Variants in PRKX observed in about 807,000 individuals in gnomAD.
PRKX encodes protein kinase cAMP-dependent X-linked catalytic subunit.
A neutral mutation model predicts 22.0 loss-of-function variants in PRKX; 12 were observed. The ratio of observed to expected loss-of-function variants is 0.54; its 90% CI spans 0.35 to 0.88. PRKX has a LOEUF of 0.88. Ranked by LOEUF, PRKX falls within the 40% of genes least tolerant of loss-of-function variation. The probability of loss-of-function intolerance (pLI) is 0.01; values close to 1 mark genes in which losing one functional copy is unlikely to be tolerated. For synonymous variants in PRKX, 134 were observed against 137.7 expected (o/e 0.97, Z 0.19); for missense variants, 217 against 308.0 (o/e 0.70, Z 2.21).
intron 1 of PRKX, among the ~76,000 whole-genome samples, chrX:3,700,527 A>C (rs1278096388): frequency 1.8e-5 from 2 of 110,390 alleles, no homozygotes; most frequent in Admixed American, 1.9e-4. Flanking sequence ...TTTTTTTTCT[A>C]TGTTTTTCTT....
intron 6 of PRKX, among the ~76,000 whole-genome samples, chrX:3,617,019 G>T (rs1188689673): frequency 3.6e-5 from 4 of 110,558 alleles, no homozygotes; most frequent in Non-Finnish European, 5.7e-5. Flanking sequence ...CACATAGATT[G>T]ATATATACAT....
chrX:3,615,385 T>C (rs1231337537), intron 7 of PRKX, among the ~76,000 whole-genome samples: 4 of 111,547 alleles, frequency 3.6e-5, no homozygotes, highest in Admixed American at 1.9e-4. Context: ...CTCCATGTAA[T>C]ACACCACCAT....
chrX:3,650,520 CAAAAAAAAAAAAA>C (rs748871957), intron 3 of PRKX, among the ~76,000 whole-genome samples: 5 of 37,838 alleles, frequency 1.3e-4, no homozygotes, highest in Non-Finnish European at 1.7e-4. Context: ...GACTCCTCTC[CAAAAAAAAAAAAA>C]AAAAAAAGAG....
chrX:3,663,308 G>A (rs1401172895), intron 2 of PRKX, among the ~76,000 whole-genome samples: 3 of 108,518 alleles, frequency 2.8e-5, no homozygotes, highest in Non-Finnish European at 1.9e-5. Flanking sequence ...AATTGGAAAG[G>A]GGCAAGGCAT....
At chrX:3,690,403 G>A (rs1371824128) in intron 1 of PRKX, among the ~76,000 whole-genome samples, 4 of 112,385 alleles carry the variant, frequency 3.6e-5, no homozygotes, top group Admixed American at 9.5e-5. Context: ...TACACTCTCC[G>A]ATGTACAGTG....
At chrX:3,650,219 C>T (rs1323890082) in intron 3 of PRKX, among the ~76,000 whole-genome samples, 5 of 111,096 alleles carry the variant, frequency 4.5e-5, no homozygotes, top group African/African-American at 1.6e-4. Flanking sequence ...ATGTTTTTAC[C>T]CCATGCTATA....
intron 3 of PRKX, among the ~76,000 whole-genome samples, chrX:3,648,655 T>TGTGTGTGTGTGTGA (rs1192738590): frequency 9.9e-6 from 1 of 101,053 alleles, no homozygotes. Context: ...TGTGTGTGTG[T>TGTGTGTGTGTGTGA]GTGAAAGGGG....
intron 3 of PRKX, among the ~76,000 whole-genome samples, chrX:3,642,340 T>C (rs1310026681): frequency 9.0e-6 from 1 of 110,810 alleles, no homozygotes; most frequent in Non-Finnish European, 1.9e-5. Context: ...GATCATGTCC[T>C]CTGCAGCAAC....
intron 2 of PRKX, chrX:3,659,626 C>G (rs1362793886): frequency 2.7e-5 from 3 of 110,382 alleles, no homozygotes; most frequent in African/African-American, 9.9e-5. Context: ...TATAGCTCAG[C>G]AAGTTCAAAA....
At chrX:3,681,192 G>A (rs1286353617) in intron 1 of PRKX, among the ~76,000 whole-genome samples, 1 of 111,800 alleles carries the variant, frequency 8.9e-6, no homozygotes, top group Non-Finnish European at 1.9e-5. Context: ...GACCAGCCTG[G>A]GCAACATGGT....
At chrX:3,611,931 C>A (rs1192898028) in intron 8 of PRKX, among the ~76,000 whole-genome samples, 1 of 111,347 alleles carries the variant, frequency 9.0e-6, no homozygotes, top group African/African-American at 3.3e-5. Context: ...TTTAGACATG[C>A]AGGTTCTGAT....
intron 6 of PRKX, among the ~76,000 whole-genome samples, chrX:3,618,439 A>G (rs971022151): frequency 6.2e-5 from 6 of 97,092 alleles, no homozygotes; most frequent in East Asian, 3.3e-4. Context: ...GCAACACATC[A>G]AGACCCCAAC....
At chrX:3,651,277 G>A (rs1235523403) in intron 3 of PRKX, among the ~76,000 whole-genome samples, 2 of 111,997 alleles carry the variant, frequency 1.8e-5, no homozygotes, top group Non-Finnish European at 3.8e-5. Context: ...TGTTATATAC[G>A]AAACCATTTT....
At chrX:3,642,876 T>C (rs1388593495) in intron 3 of PRKX, among the ~76,000 whole-genome samples, 1 of 107,481 alleles carries the variant, frequency 9.3e-6, no homozygotes, top group Non-Finnish European at 1.9e-5. Flanking sequence ...TGCATGCCTA[T>C]AGTCCAAGCT....
At chrX:3,659,105 TA>T (rs1285873013) in intron 2 of PRKX, among the ~76,000 whole-genome samples, 5 of 110,211 alleles carry the variant, frequency 4.5e-5, no homozygotes, top group African/African-American at 1.7e-4. Flanking sequence ...GTCTCTACAA[TA>T]AAAGAATCAG....
intron 5 of PRKX, among the ~76,000 whole-genome samples, chrX:3,624,345 A>G (rs1926618312): frequency 9.0e-6 from 1 of 111,305 alleles, no homozygotes; most frequent in Admixed American, 9.6e-5. Context: ...CACACTGGGT[A>G]TGTAAAGAAA....
At position 3,706,017 on chromosome X, in the gene PRKX, A is replaced by T. The variant is rs1338818353; in HGVS notation, c.166+7071T>A. Among the ~76,000 whole-genome samples the T allele has an allele frequency of 2.8e-5, 3 of 108,986 alleles. No individual in the cohort carries two copies. In the East Asian group the frequency reaches 8.7e-4, roughly 31 times the overall value. The allele number at this position is 108,986 out of a possible 115,157, so 94.6% of individuals were successfully genotyped here. On this transcript the variant is annotated intron_variant, in intron 1 of 8. Transcript: ENST00000262848. Reference sequence around the variant, plus strand: ...GGTTTTTCTTTAAAAAAAAAAAAAAAACCACAATGTCATCAACATTACTAC... The same window carrying T: ...GGTTTTTCTTTAAAAAAAAAAAAAATACCACAATGTCATCAACATTACTAC...
intron 1 of PRKX, among the ~76,000 whole-genome samples, chrX:3,695,905 G>A (rs1928434014): frequency 9.0e-6 from 1 of 111,525 alleles, no homozygotes; most frequent in East Asian, 2.8e-4. Flanking sequence ...ATCCTGGAGT[G>A]CCACCACCCC....
At chrX:3,676,380 G>A (rs1287175044) in intron 1 of PRKX, among the ~76,000 whole-genome samples, 1 of 111,553 alleles carries the variant, frequency 9.0e-6, no homozygotes, top group Non-Finnish European at 1.9e-5. Context: ...TCCTGTGCCT[G>A]CTTTATGCTA....
Sources: allele counts gnomAD v4.1 joint callset (sites outside exome capture counted in the v4.1 genomes callset), GRCh38; gene constraint gnomAD v4.1.1; transcripts MANE v1.5; gene names NCBI Gene and HGNC (gene_info 2026-07-23, HGNC 2026-07-21).